METTL15: variants seen among roughly 807,000 people sequenced by gnomAD.
METTL15 encodes the protein 12S rRNA N(4)-cytidine methyltransferase METTL15.
In METTL15, 34 loss-of-function variants were observed where a neutral mutation model predicts 38.3. The observed-to-expected ratio is 0.89, with a 90% confidence interval of 0.68 to 1.18. The LOEUF is 1.18. Ranked by LOEUF, METTL15 falls within the 50% of genes most tolerant of loss-of-function variation. The pLI is 0.00. For missense variants in METTL15, 438 were observed against 498.4 expected (o/e 0.88, Z 1.15); for synonymous variants, 162 against 170.9 (o/e 0.95, Z 0.41).
rs560127753 is a variant in METTL15 at position 28,466,025 on chromosome 11, A to G, written c.*424+41661A>G. Among the ~76,000 whole-genome samples, 65 of 152,302 alleles carry G rather than the reference A, an allele frequency of 4.3e-4. No homozygotes were observed. In the South Asian group the frequency reaches 0.013, roughly 32 times the overall value. ...TTTCCTGTATTAATTACAATTTTTT[A>G]TTGCATGAGACAGAAACTTAGCTTG... On this transcript the variant is annotated intron_variant and NMD_transcript_variant, in intron 6 of 7. Transcript: ENST00000532947.
At chr11:28,380,915 C>T (rs899741287) in intron 5 of METTL15, among the ~76,000 whole-genome samples, 1 of 151,840 alleles carries the variant, frequency 6.6e-6, no homozygotes, top group African/African-American at 2.4e-5. Context: ...GTTGAGAAGT[C>T]TGTTGTCATA....
intron 5 of METTL15, among the ~76,000 whole-genome samples, chr11:28,371,614 C>T (rs1182521229): frequency 6.6e-6 from 1 of 151,860 alleles, no homozygotes; most frequent in African/African-American, 2.4e-5. Flanking sequence ...ATTAATTCTT[C>T]TAATTCATGA....
chr11:28,286,113 T>C lies in METTL15; in HGVS notation c.408-4093T>C, dbSNP rs567500231. Among the ~76,000 whole-genome samples, 6 of 152,242 alleles carry C rather than the reference T, an allele frequency of 3.9e-5. No individual in the cohort carries two copies. The East Asian group carries it at 1.2e-3, about 29-fold the overall frequency. ...GGAGTTAACTCACCTGATTGTGGGG[T>C]CTGACATATGTGAAATCTGTAGGAC... is the stretch of plus-strand genomic sequence containing the variant. On this transcript the variant is annotated intron_variant, in intron 4 of 6. Transcript: ENST00000407364.
At chr11:28,329,571 C>T (rs1414015535) in intron 6 of METTL15, among the ~76,000 whole-genome samples, 1 of 152,088 alleles carries the variant, frequency 6.6e-6, no homozygotes, top group African/African-American at 2.4e-5. Flanking sequence ...TTTGAACATA[C>T]AGTAATTAAG....
intron 3 of METTL15, among the ~76,000 whole-genome samples, chr11:28,200,236 A>G (rs764883771): frequency 1.3e-5 from 2 of 152,156 alleles, no homozygotes; most frequent in Non-Finnish European, 2.9e-5. Flanking sequence ...TCTGCCATTC[A>G]TTAGCTGTAC....
chr11:28,519,942 C>G (rs547097728), intron 6 of METTL15, among the ~76,000 whole-genome samples: 14 of 152,294 alleles, frequency 9.2e-5, no homozygotes, highest in African/African-American at 3.4e-4. Context: ...TCCAACACGG[C>G]TGATTCTCCT....
chr11:28,197,366 C>T, intron 3 of METTL15: 4 of 241,932 alleles, frequency 1.7e-5, no homozygotes, highest in East Asian at 9.9e-5. Context: ...GAATTTAGGC[C>T]TTTGTGAATA....
chr11:28,209,080 G>T (rs17310125), intron 3 of METTL15, among the ~76,000 whole-genome samples: 15,367 of 151,590 alleles, frequency 0.1, 1,077 homozygotes, highest in Middle Eastern at 0.14. Flanking sequence ...CATCTACAAG[G>T]GCATAATCAT....
intron 4 of METTL15, among the ~76,000 whole-genome samples, chr11:28,219,959 C>G (rs1230642567): frequency 6.6e-6 from 1 of 152,102 alleles, no homozygotes; most frequent in African/African-American, 2.4e-5. Context: ...TTAACATTTG[C>G]TGATGAGTGC....
intron 6 of METTL15, among the ~76,000 whole-genome samples, chr11:28,433,036 C>A (rs567549318): frequency 1.3e-5 from 2 of 151,018 alleles, no homozygotes; most frequent in Admixed American, 1.3e-4. Flanking sequence ...CACTTAATTT[C>A]TTTTTCAAAT....
Position 28,156,148 on chromosome 11 carries a change from A to T in METTL15, c.270+42544A>T, listed in dbSNP as rs181540280. On this transcript the variant is annotated intron_variant, in intron 3 of 6. Transcript: ENST00000407364. ...TTTAGAGCCTAAAATATACCCCAGG[A>T]TGGGAAATAAGATTTGGAAGTCACC... Among the ~76,000 whole-genome samples the T allele has an allele frequency of 3.3e-3, 507 of 152,208 alleles. 6 individuals carry two copies. Among genetic ancestry groups the T allele is most frequent in the African/African-American group, 0.012 (489 of 41,530 alleles).
intron 3 of METTL15, among the ~76,000 whole-genome samples, chr11:28,135,330 A>G (rs1464908358): frequency 1.3e-5 from 2 of 152,290 alleles, no homozygotes; most frequent in East Asian, 1.9e-4. Flanking sequence ...CTGTTCCACA[A>G]GGAATCTCAG....
At chr11:28,267,789 G>C (rs1565212408) in intron 4 of METTL15, among the ~76,000 whole-genome samples, 1 of 152,172 alleles carries the variant, frequency 6.6e-6, no homozygotes, top group Non-Finnish European at 1.5e-5. Context: ...TACATCTCCT[G>C]CTCCTTGCCT....
At chr11:28,282,527 A>G (rs976737427) in intron 4 of METTL15, among the ~76,000 whole-genome samples, 2 of 152,200 alleles carry the variant, frequency 1.3e-5, no homozygotes, top group African/African-American at 2.4e-5. Flanking sequence ...CATAATGTCT[A>G]TCAACACTTT....
intron 4 of METTL15, among the ~76,000 whole-genome samples, chr11:28,225,475 G>T (rs1590187017): frequency 6.6e-6 from 1 of 151,458 alleles, no homozygotes; most frequent in Non-Finnish European, 1.5e-5. Context: ...AGAATTCGGG[G>T]AATTTTATAG....
At chr11:28,243,420 GT>G in intron 4 of METTL15, among the ~76,000 whole-genome samples, 1 of 152,120 alleles carries the variant, frequency 6.6e-6, no homozygotes. Context: ...AAAAAACTAT[GT>G]TTTTACTTCC....
intron 6 of METTL15, among the ~76,000 whole-genome samples, chr11:28,518,435 G>A (rs1030678658): frequency 6.6e-6 from 1 of 152,164 alleles, no homozygotes; most frequent in Non-Finnish European, 1.5e-5. Context: ...AAGAATATCT[G>A]GATTTCTAGC....
chr11:28,190,648 A>G (rs1486036575), intron 3 of METTL15, among the ~76,000 whole-genome samples: 1 of 151,256 alleles, frequency 6.6e-6, no homozygotes, highest in African/African-American at 2.4e-5. Flanking sequence ...TGGCCATATT[A>G]TTAAATAAAA....
chr11:28,516,282 G>A (rs867803012), intron 6 of METTL15, among the ~76,000 whole-genome samples: 1 of 152,132 alleles, frequency 6.6e-6, no homozygotes, highest in African/African-American at 2.4e-5. Flanking sequence ...GGTGGTGGGG[G>A]GATTGCAGAA....
Sources: gnomAD v4.1 joint callset for allele counts (sites outside exome capture counted in the v4.1 genomes callset) on GRCh38, gnomAD v4.1.1 for gene constraint, MANE v1.5 for transcripts, NCBI Gene and HGNC (gene_info 2026-07-23, HGNC 2026-07-21) for gene names.